Variants in FGF20 observed in about 807,000 individuals in gnomAD.
The protein encoded by FGF20 is fibroblast growth factor 20.
Under a neutral mutation model 16.7 loss-of-function variants are expected in FGF20, and 8 were observed. That is an observed-to-expected ratio of 0.48 (90% CI 0.28 to 0.87). FGF20 has a LOEUF of 0.87. Ranked by LOEUF, FGF20 falls within the 40% of genes least tolerant of loss-of-function variation. FGF20 has a pLI of 0.10. For missense variants in FGF20, 397 were observed against 281.4 expected (o/e 1.41, Z -2.94); for synonymous variants, 161 against 118.6 (o/e 1.36, Z -2.32).
rs1341053895 is a variant in FGF20 at position 17,001,914 on chromosome 8, C to A, written c.119G>T (p.Arg40Leu). 8 of 1,488,346 alleles carry A rather than the reference C, an allele frequency of 5.4e-6. No homozygotes were observed. The highest frequency in any genetic ancestry group is 1.9e-4 in the Middle Eastern group (1 of 5,280). 92.2% of individuals were successfully genotyped at this position (1,488,346 alleles called of 1,614,324 possible). A position where few individuals can be genotyped will look rare whatever the true frequency, so the allele number is the denominator to read the frequency against. Residue 40 changes from arginine to leucine, a missense_variant, in exon 1 of 3, where the codon CGC becomes CTC. By Grantham distance (102) the Arg-to-Leu change is moderately radical (BLOSUM62 -2). Coordinates refer to ENST00000180166, the MANE Select transcript of FGF20 (RefSeq NM_019851.3). ...CGCGCTCCGCTCCGCCGCGCTCCTGCGCTCGCCCAGCAGCGGCGGCCGCTC... is the reference window on the plus strand; with the variant it reads ...CGCGCTCCGCTCCGCCGCGCTCCTGAGCTCGCCCAGCAGCGGCGGCCGCTC... ...AGERPPLLGE[R>L]RSAAERSARG...
At chr8:16,996,727 A>G (rs1006733140) in intron 1 of FGF20, among the ~76,000 whole-genome samples, 25 of 152,222 alleles carry the variant, frequency 1.6e-4, no homozygotes, top group African/African-American at 6.0e-4. Flanking sequence ...CTAAAAAACA[A>G]GCCCTTAAAA....
chr8:16,995,036 T>A (rs111263119), intron 2 of FGF20, among the ~76,000 whole-genome samples: 1 of 152,316 alleles, frequency 6.6e-6, no homozygotes, highest in Non-Finnish European at 1.5e-5. Context: ...ATAACTTAAG[T>A]GGCATATTTA....
intron 1 of FGF20, 42 bp downstream of exon 1, chr8:17,001,705 C>T (rs373428106): frequency 1.3e-6 from 2 of 1,527,930 alleles, no homozygotes; most frequent in Non-Finnish European, 8.7e-7. Flanking sequence ...AGGAGCCGAG[C>T]TGGGGCGCAG....
intron 1 of FGF20, among the ~76,000 whole-genome samples, chr8:17,000,285 C>A (rs979650251): frequency 1.3e-5 from 2 of 152,184 alleles, no homozygotes; most frequent in African/African-American, 4.8e-5. Context: ...AAGCTGCAAA[C>A]ATGTGGGTTT....
At position 16,992,886 on chromosome 8, in the gene FGF20, T is replaced by A. The variant is rs769148271; in HGVS notation, c.*186A>T. 2.8e-5 allele frequency: 18 copies of A among 654,390 alleles called. No homozygotes were observed. The East Asian group carries it at 3.4e-4, about 12-fold the overall frequency. The allele number at this position is 654,390 out of a possible 1,614,324, so 40.5% of individuals were successfully genotyped here. On this transcript the variant is annotated 3_prime_UTR_variant, in exon 3 of 3. Coordinates refer to ENST00000180166, the MANE Select transcript of FGF20 (RefSeq NM_019851.3). ...AACTTAATCCACATATAAAGAGTGA[T>A]CATGATCTATTTCTAGTCAAAATTT... is the stretch of plus-strand genomic sequence containing the variant.
chr8:16,995,792 T>C (rs1810028836), intron 1 of FGF20, 34 bp from the exon 2 acceptor site: 5 of 1,291,018 alleles, frequency 3.9e-6, no homozygotes, highest in Non-Finnish European at 5.5e-6. Context: ...AAACACCATG[T>C]TTTGTATTTA....
Position 16,995,651 on chromosome 8 carries a change from G to C in FGF20, c.390+4C>G, listed in dbSNP as rs373813503. ...TAATAATAAAAAATAAAAATAATAC[G>C]TACTGATCCATAGAGTTCTCCTTTG... On this transcript the variant is annotated splice_donor_region_variant and intron_variant, in intron 2 of 2. Coordinates refer to ENST00000180166, the MANE Select transcript of FGF20 (RefSeq NM_019851.3). 2 of 1,355,542 alleles carry C rather than the reference G, an allele frequency of 1.5e-6. No individual in the cohort carries two copies. The highest frequency in any genetic ancestry group is 2.6e-5 in the South Asian group (2 of 76,578). The allele number at this position is 1,355,542 out of a possible 1,614,324, so 84.0% of individuals were successfully genotyped here.
At chr8:16,993,462 C>T (rs1809966181) in intron 2 of FGF20, 145 bp from the exon 3 acceptor site, 8 of 806,660 alleles carry the variant, frequency 9.9e-6, no homozygotes, top group Non-Finnish European at 1.5e-5. Flanking sequence ...TGTTTTAGTT[C>T]ATATGTCATC....
At chr8:16,999,373 C>T (rs1194184633) in intron 1 of FGF20, among the ~76,000 whole-genome samples, 2 of 152,070 alleles carry the variant, frequency 1.3e-5, no homozygotes, top group African/African-American at 4.8e-5. Context: ...TAAAGAAATG[C>T]CGTTAAATGC....
At position 16,993,235 on chromosome 8, in the gene FGF20, T is replaced by C; in HGVS notation, c.473A>G (p.His158Arg). 1.9e-6 allele frequency: 3 copies of C among 1,614,144 alleles called. No individual in the cohort carries two copies. The highest frequency in any genetic ancestry group is 1.7e-6 in the Non-Finnish European group (2 of 1,180,000). ...AAAATACCTGCGGCCAGTGTCTCCA[T>C]GTTTATATATGTTAGATGAATAGGT... ...YNTYSSNIYKHGDTGRRYFVA... is the reference protein window; with the variant it reads ...YNTYSSNIYKRGDTGRRYFVA... The change falls in exon 3 of 3, where the codon CAT (histidine) becomes CGT (arginine). Residue 158 changes from histidine to arginine, a missense_variant. Physicochemically the swap from His to Arg is conservative, Grantham distance 29. Transcript: ENST00000180166.
chr8:16,994,690 T>G (rs141322818), intron 2 of FGF20, among the ~76,000 whole-genome samples: 135 of 152,178 alleles, frequency 8.9e-4, no homozygotes, highest in African/African-American at 3.0e-3. Context: ...CAGTTGAGAG[T>G]TTAAGAAAAA....
chr8:17,001,986 C>T lies in FGF20; in HGVS notation c.47G>A (p.Gly16Asp). 2.0e-6 allele frequency: 3 copies of T among 1,519,740 alleles called. No individual in the cohort carries two copies. The highest frequency in any genetic ancestry group is 1.8e-6 in the Non-Finnish European group (2 of 1,134,220). 94.1% of individuals were successfully genotyped at this position (1,519,740 alleles called of 1,614,324 possible). ...EVGGFLGGLE[G>D]LGQQVGSHFL... ...ATGCGAACCCACCTGCTGGCCCAAG[C>T]CCTCCAGGCCGCCCAGAAAGCCCCC... Residue 16 changes from glycine to aspartate, a missense_variant, in exon 1 of 3, where the codon GGC (glycine) becomes GAC (aspartate). By Grantham distance (94) the Gly-to-Asp change is moderately conservative. Transcript: ENST00000180166.
chr8:17,000,122 G>A, intron 1 of FGF20, among the ~76,000 whole-genome samples: 1 of 152,138 alleles, frequency 6.6e-6, no homozygotes, highest in East Asian at 2.0e-4. Flanking sequence ...AGTACTTTGG[G>A]AGGCCAAGGC....
At position 17,001,984 on chromosome 8, in the gene FGF20, A is replaced by G; in HGVS notation, c.49T>C (p.Leu17=). Residue 17 remains leucine, a synonymous_variant, in exon 1 of 3, where the codon TTG becomes CTG. Transcript: ENST00000180166. ...AAATGCGAACCCACCTGCTGGCCCA[A>G]GCCCTCCAGGCCGCCCAGAAAGCCC... is the stretch of plus-strand genomic sequence containing the variant. The part of the protein sequence containing the change: ...VGGFLGGLEG[L]GQQVGSHFLL... The G allele has an allele frequency of 6.6e-7, 1 of 1,519,204 alleles. No individual in the cohort carries two copies. Among genetic ancestry groups the G allele is most frequent in the South Asian group, 1.2e-5 (1 of 81,534 alleles). 94.1% of individuals were successfully genotyped at this position (1,519,204 alleles called of 1,614,324 possible).
intron 1 of FGF20, among the ~76,000 whole-genome samples, chr8:16,996,530 T>C (rs1409728669): frequency 6.6e-6 from 1 of 152,220 alleles, no homozygotes; most frequent in Admixed American, 6.5e-5. Flanking sequence ...TAAATTAGTA[T>C]ATAACAGAGG....
intron 2 of FGF20, among the ~76,000 whole-genome samples, chr8:16,993,550 C>G (rs1376663097): frequency 1.0e-5 from 1 of 96,766 alleles, no homozygotes; most frequent in Non-Finnish European, 2.1e-5. Context: ...CACCACTGAC[C>G]AGTTTCATGG....
rs747222831 is a variant in FGF20 at position 16,993,243 on chromosome 8, T to A, written c.465A>T (p.Ile155=). 1.9e-6 allele frequency: 3 copies of A among 1,614,158 alleles called. No individual in the cohort carries two copies. The highest frequency in any genetic ancestry group is 2.5e-6 in the Non-Finnish European group (3 of 1,180,002). Residue 155 remains isoleucine (I), a synonymous_variant, in exon 3 of 3, where the codon ATA becomes ATT. Coordinates refer to ENST00000180166, the MANE Select transcript of FGF20 (RefSeq NM_019851.3). ...ENWYNTYSSN[I]YKHGDTGRRY... is the part of the protein sequence containing the mutation. The stretch of plus-strand genomic sequence containing the variant: ...TGCGGCCAGTGTCTCCATGTTTATA[T>A]ATGTTAGATGAATAGGTGTTATACC...
chr8:16,996,429 T>G (rs1361904350), intron 1 of FGF20, among the ~76,000 whole-genome samples: 1 of 152,146 alleles, frequency 6.6e-6, no homozygotes, highest in Non-Finnish European at 1.5e-5. Context: ...TTTAACCTCC[T>G]CATATGCAAA....
chr8:16,999,843 G>A (rs540526871), intron 1 of FGF20, among the ~76,000 whole-genome samples: 11 of 151,374 alleles, frequency 7.3e-5, no homozygotes, highest in Middle Eastern at 3.4e-3. Context: ...CCAGCCCCAA[G>A]TTTCTTAAAA....
Sources: allele counts gnomAD v4.1 joint callset (sites outside exome capture counted in the v4.1 genomes callset), GRCh38; gene constraint gnomAD v4.1.1; transcripts MANE v1.5; gene names NCBI Gene and HGNC (gene_info 2026-07-23, HGNC 2026-07-21).